COL4A6: variants seen among roughly 807,000 people sequenced by gnomAD.
COL4A6 encodes collagen alpha-6(IV) chain.
COL4A6 carries 59 observed loss-of-function variants against 126.7 expected under a neutral mutation model. That is an observed-to-expected ratio of 0.47 (90% CI 0.38 to 0.58). The LOEUF (loss-of-function observed/expected upper bound fraction) is 0.58, where lower values mean the gene tolerates loss of function less well. Ranked by LOEUF, COL4A6 falls within the 20% of genes least tolerant of loss-of-function variation. The pLI is 0.00. For missense variants in COL4A6, 1,285 were observed against 1,337.3 expected (o/e 0.96, Z 0.61); for synonymous variants, 547 against 496.6 (o/e 1.10, Z -1.35).
chrX:108,172,666 C>A, intron 31 of COL4A6, 134 bp from the exon 32 acceptor site: 1 of 457,348 alleles, frequency 2.2e-6, no homozygotes, highest in Non-Finnish European at 3.6e-6. Flanking sequence ...GGACTGTGGG[C>A]TGGAAGTGGG....
chrX:108,244,228 A>C (rs2036655909), intron 3 of COL4A6, among the ~76,000 whole-genome samples: 1 of 110,871 alleles, frequency 9.0e-6, no homozygotes, highest in Non-Finnish European at 1.9e-5. Flanking sequence ...TTCACTTCTA[A>C]GCAGCATTCT....
intron 3 of COL4A6, among the ~76,000 whole-genome samples, chrX:108,257,659 T>A (rs2037042243): frequency 9.0e-6 from 1 of 111,118 alleles, no homozygotes; most frequent in Non-Finnish European, 1.9e-5. Flanking sequence ...TGTGGTCGGA[T>A]AAGTCACACC....
intron 2 of COL4A6, among the ~76,000 whole-genome samples, chrX:108,409,653 C>T (rs2041286946): frequency 8.9e-6 from 1 of 111,809 alleles, no homozygotes; most frequent in African/African-American, 3.3e-5. Flanking sequence ...AACCACCCTA[C>T]AAGTCAGCTA....
chrX:108,245,788 G>A (rs2036704029), intron 3 of COL4A6, among the ~76,000 whole-genome samples: 1 of 111,670 alleles, frequency 9.0e-6, no homozygotes, highest in Admixed American at 9.5e-5. Flanking sequence ...CAAGCTCTAC[G>A]GCCTAATATA....
chrX:108,371,811 G>C (rs2040334085), intron 2 of COL4A6, among the ~76,000 whole-genome samples: 1 of 98,869 alleles, frequency 1.0e-5, no homozygotes, highest in Non-Finnish European at 2.0e-5. Context: ...GCTCTGGAGA[G>C]GTATGGGTTG....
At chrX:108,251,302 A>G (rs1481938385) in intron 3 of COL4A6, among the ~76,000 whole-genome samples, 4 of 111,786 alleles carry the variant, frequency 3.6e-5, no homozygotes, top group Non-Finnish European at 7.5e-5. Context: ...TGTATCAACC[A>G]AGTAGCCTGC....
intron 2 of COL4A6, among the ~76,000 whole-genome samples, chrX:108,319,210 C>G (rs1296312900): frequency 2.7e-5 from 3 of 111,859 alleles, no homozygotes; most frequent in African/African-American, 9.7e-5. Context: ...TACCCCATCT[C>G]TACAAAAAAA....
chrX:108,414,483 T>C (rs1478074262), intron 2 of COL4A6, among the ~76,000 whole-genome samples: 1 of 110,337 alleles, frequency 9.1e-6, no homozygotes, highest in African/African-American at 3.3e-5. Flanking sequence ...AGAAAATAAA[T>C]AAAATCCTAC....
chrX:108,355,289 A>G (rs2039935759), intron 2 of COL4A6, among the ~76,000 whole-genome samples: 1 of 112,206 alleles, frequency 8.9e-6, no homozygotes, highest in African/African-American at 3.2e-5. Flanking sequence ...CACCTAAACT[A>G]TCAAAAATGT....
intron 3 of COL4A6, 115 bp downstream of exon 3, chrX:108,310,633 C>A: frequency 1.6e-6 from 1 of 610,278 alleles, no homozygotes; most frequent in Admixed American, 2.9e-5. Flanking sequence ...GTCCTCATCA[C>A]TTTGCTTGTT....
At chrX:108,235,170 G>A (rs1212334538) in intron 3 of COL4A6, among the ~76,000 whole-genome samples, 1 of 111,587 alleles carries the variant, frequency 9.0e-6, no homozygotes. Context: ...TGGGGCTGAG[G>A]ATGCAGGTGA....
At chrX:108,347,570 G>T (rs1772867960) in intron 2 of COL4A6, among the ~76,000 whole-genome samples, 1 of 111,406 alleles carries the variant, frequency 9.0e-6, no homozygotes, top group South Asian at 3.8e-4. Context: ...AAAGATTCCA[G>T]AGAGGTCAGT....
intron 2 of COL4A6, among the ~76,000 whole-genome samples, chrX:108,384,862 T>A (rs12688455): frequency 0.074 from 8,194 of 111,307 alleles, 665 homozygotes; most frequent in African/African-American, 0.23. Flanking sequence ...TTTTCAAAAC[T>A]TACACCAAGA....
rs1367747467 is a variant in COL4A6, at chrX:108,176,872, G to A, written c.2655C>T (p.Val885=). 16 of 1,209,511 alleles carry A rather than the reference G, an allele frequency of 1.3e-5. No individual in the cohort carries two copies. Among genetic ancestry groups the A allele is most frequent in the Admixed American group, 2.2e-5 (1 of 45,869 alleles). The change falls in exon 28 of 45, where the codon GTC becomes GTT. Residue 885 remains valine (V), a synonymous_variant. Coordinates refer to ENST00000334504, the MANE Select transcript of COL4A6 (RefSeq NM_033641.4). ...GTCCAGAGAGGGCTGGCAACCCAGCGACCCCTGGAGAGCCTGGGCTTCCTT... is the reference window on the plus strand; with the variant it reads ...GTCCAGAGAGGGCTGGCAACCCAGCAACCCCTGGAGAGCCTGGGCTTCCTT... ...GLKGSPGSPG[V]AGLPALSGPK... is the part of the protein sequence containing the mutation.
chrX:108,405,449 T>G (rs781130431), intron 2 of COL4A6, among the ~76,000 whole-genome samples: 68 of 111,210 alleles, frequency 6.1e-4, no homozygotes, highest in Non-Finnish European at 1.1e-3. Flanking sequence ...CCTCCCAAAG[T>G]GCTGGTATTA....
chrX:108,175,150 G>A lies in COL4A6; in HGVS notation c.2896C>T (p.Leu966Phe). ...CCTTGAGAGCCTTTGTCTCCTTTGA[G>A]CCAAAGGTTTGACATTGGACGTCTT... The part of the protein sequence containing the change: ...SPRRPMSNLW[L>F]KGDKGSQGSA... Residue 966 changes from leucine to phenylalanine, a missense_variant, in exon 30 of 45, where the codon CTC (leucine) becomes TTC (phenylalanine). By Grantham distance (22) the Leu-to-Phe change is conservative. Transcript: ENST00000334504. 3.3e-6 allele frequency: 4 copies of A among 1,203,561 alleles called. No individual in the cohort carries two copies. The South Asian group carries it at 5.4e-5, about 16-fold the overall frequency.
intron 3 of COL4A6, among the ~76,000 whole-genome samples, chrX:108,270,843 G>A (rs188846763): frequency 0.03 from 3,312 of 111,220 alleles, 117 homozygotes; most frequent in African/African-American, 0.1. Context: ...GGTTTTAATT[G>A]AAAGAGTTCC....
chrX:108,177,055 G>A (rs2034520454), intron 27 of COL4A6, 44 bp from the exon 28 acceptor site: 2 of 1,139,560 alleles, frequency 1.8e-6, no homozygotes, highest in African/African-American at 3.6e-5. Context: ...GTCAAGTGAG[G>A]CTCTGGCCAG....
At chrX:108,379,435 C>CTTTTT (rs1163909665) in intron 2 of COL4A6, among the ~76,000 whole-genome samples, 45 of 76,944 alleles carry the variant, frequency 5.8e-4, no homozygotes, top group Non-Finnish European at 7.1e-4. Context: ...AATTAAAAAA[C>CTTTTT]TTTTTTTTTT....
Sources: allele counts gnomAD v4.1 joint callset (sites outside exome capture counted in the v4.1 genomes callset), GRCh38; gene constraint gnomAD v4.1.1; transcripts MANE v1.5; gene names NCBI Gene and HGNC (gene_info 2026-07-23, HGNC 2026-07-21).